Variants in CDKN2B-AS1 observed in about 807,000 individuals in gnomAD.
CDKN2B-AS1 encodes the protein CDKN2B antisense RNA 1 (non-protein coding).
intron 1 of CDKN2B-AS1, among the ~76,000 whole-genome samples, chr9:22,011,567 A>G (rs937979477): frequency 6.6e-6 from 1 of 152,178 alleles, no homozygotes; most frequent in African/African-American, 2.4e-5. Context: ...TTTATACTAC[A>G]TAGTGTTTTT....
chr9:22,108,474 C>G (rs1313617132), intron 4 of CDKN2B-AS1, among the ~76,000 whole-genome samples: 1 of 152,076 alleles, frequency 6.6e-6, no homozygotes, highest in Non-Finnish European at 1.5e-5. Flanking sequence ...TTCAGCTGTA[C>G]CAGTATTTAA....
At chr9:22,065,674 G>A (rs1040319890) in intron 4 of CDKN2B-AS1, 1 of 152,152 alleles carries the variant, frequency 6.6e-6, no homozygotes, top group Non-Finnish European at 1.5e-5. Context: ...CTGGGACATG[G>A]AGACTGCTTT....
At chr9:22,082,434 C>T (rs1249856727) in intron 4 of CDKN2B-AS1, among the ~76,000 whole-genome samples, 1 of 152,144 alleles carries the variant, frequency 6.6e-6, no homozygotes, top group Non-Finnish European at 1.5e-5. Flanking sequence ...GGCCCAGTGA[C>T]ATTAGGTAAC....
intron 4 of CDKN2B-AS1, among the ~76,000 whole-genome samples, chr9:22,073,835 C>G (rs1390360132): frequency 6.6e-6 from 1 of 151,552 alleles, no homozygotes; most frequent in Non-Finnish European, 1.5e-5. Context: ...ACAATGTAGT[C>G]TAGATCTAAA....
intron 1 of CDKN2B-AS1, among the ~76,000 whole-genome samples, chr9:22,041,136 GAT>G: frequency 6.6e-6 from 1 of 152,130 alleles, no homozygotes; most frequent in African/African-American, 2.4e-5. Context: ...TGGTGTAAGA[GAT>G]AAAACTGGGA....
rs567609105 is a variant in CDKN2B-AS1 at position 22,006,302 on chromosome 9, C to T, written n.29+11141C>T. ...AGGGTGGGGGCAGGTATGGGAGATGCCGGCCGGGGCAAGGCAGGTGGAGCC... is the reference window on the plus strand; with the variant it reads ...AGGGTGGGGGCAGGTATGGGAGATGTCGGCCGGGGCAAGGCAGGTGGAGCC... On this transcript the variant is annotated intron_variant and non_coding_transcript_variant, in intron 1 of 4. Coordinates refer to ENST00000650946, the Ensembl canonical transcript of CDKN2B-AS1. The surrounding 1 kb of genome is among the most constrained non-coding windows in gnomAD (Gnocchi z 6.4). The T allele has an allele frequency of 6.3e-7, 1 of 1,596,648 alleles. No individual in the cohort carries two copies. Among genetic ancestry groups the T allele is most frequent in the Non-Finnish European group, 8.5e-7 (1 of 1,178,564 alleles).
rs943534247 is a variant in CDKN2B-AS1 at position 21,996,995 on chromosome 9, T to C, written n.29+1834T>C. On this transcript the variant is annotated intron_variant and non_coding_transcript_variant, in intron 1 of 4. Coordinates refer to ENST00000650946, the Ensembl canonical transcript of CDKN2B-AS1. The surrounding 1 kb of genome is among the most constrained non-coding windows in gnomAD (Gnocchi z 5.4). ...CCCATTGTGTGTGTGTGCGTGCCAG[T>C]ACCACACATATGTATATGTATATAC... Among the ~76,000 whole-genome samples, 40 of 152,322 alleles carry C rather than the reference T, an allele frequency of 2.6e-4. No individual in the cohort carries two copies. The highest frequency in any genetic ancestry group is 5.8e-4 in the East Asian group (3 of 5,188).
intron 4 of CDKN2B-AS1, among the ~76,000 whole-genome samples, chr9:22,125,041 G>C (rs73443203): frequency 6.6e-6 from 1 of 152,176 alleles, no homozygotes; most frequent in Non-Finnish European, 1.5e-5. Context: ...TCACATGTAC[G>C]TGCATGCACG....
intron 4 of CDKN2B-AS1, among the ~76,000 whole-genome samples, chr9:22,101,696 ACACACATG>A (rs1043122076): frequency 1.4e-4 from 11 of 79,450 alleles, no homozygotes; most frequent in Non-Finnish European, 3.3e-4. Flanking sequence ...ACACACACAC[ACACACATG>A]GCTTCTAGAT....
At chr9:22,071,285 CT>C (rs71336509) in intron 4 of CDKN2B-AS1, among the ~76,000 whole-genome samples, 73 of 67,560 alleles carry the variant, frequency 1.1e-3, no homozygotes, top group East Asian at 9.6e-3. Flanking sequence ...AAATATCTAG[CT>C]TTTTTTTTTT....
chr9:22,109,885 A>C (rs537208036), intron 4 of CDKN2B-AS1, among the ~76,000 whole-genome samples: 2 of 152,054 alleles, frequency 1.3e-5, no homozygotes, highest in Admixed American at 6.6e-5. Context: ...TGCTCTCCCA[A>C]TGACCTCCCA....
intron 1 of CDKN2B-AS1, among the ~76,000 whole-genome samples, chr9:22,034,888 C>T (rs974174958): frequency 6.6e-6 from 1 of 152,082 alleles, no homozygotes; most frequent in Admixed American, 6.6e-5. Flanking sequence ...AATTTGCTAA[C>T]CTGTGGTATA....
chr9:22,000,881 A>G lies in CDKN2B-AS1; in HGVS notation n.29+5720A>G, dbSNP rs1002228891. ...CCTTACATATTTGGTTTGGGATTAC[A>G]TTGAGAGCTACCTAAATACCAGACA... On this transcript the variant is annotated intron_variant and non_coding_transcript_variant, in intron 1 of 4. Transcript: ENST00000650946. The surrounding 1 kb of genome is among the most constrained non-coding windows in gnomAD (Gnocchi z 4.1). Among the ~76,000 whole-genome samples the G allele has an allele frequency of 3.3e-5, 5 of 152,190 alleles. No homozygotes were observed. Among genetic ancestry groups the G allele is most frequent in the Non-Finnish European group, 7.4e-5 (5 of 68,008 alleles).
At chr9:22,101,671 C>T (rs1303420162) in intron 4 of CDKN2B-AS1, among the ~76,000 whole-genome samples, 1 of 113,924 alleles carries the variant, frequency 8.8e-6, no homozygotes, top group Non-Finnish European at 2.1e-5. Flanking sequence ...CTTCAACACA[C>T]ACACACACAC....
chr9:22,108,368 A>G (rs972946095), intron 4 of CDKN2B-AS1, among the ~76,000 whole-genome samples: 3 of 152,178 alleles, frequency 2.0e-5, no homozygotes, highest in African/African-American at 7.2e-5. Flanking sequence ...ACACTTGTCT[A>G]TGCACATTGC....
chr9:22,018,931 C>G (rs1250888804), intron 1 of CDKN2B-AS1, among the ~76,000 whole-genome samples: 2 of 152,094 alleles, frequency 1.3e-5, no homozygotes, highest in Non-Finnish European at 2.9e-5. Context: ...GAGAGCTGAT[C>G]TGGTCTGGTG....
intron 4 of CDKN2B-AS1, among the ~76,000 whole-genome samples, chr9:22,065,403 A>C (rs765620876): frequency 5.9e-5 from 9 of 152,198 alleles, no homozygotes; most frequent in Non-Finnish European, 8.8e-5. Flanking sequence ...CTAGACTTTG[A>C]GAATTGCAGT....
chr9:22,080,944 A>G (rs748060371), intron 4 of CDKN2B-AS1, among the ~76,000 whole-genome samples: 4 of 152,200 alleles, frequency 2.6e-5, no homozygotes, highest in Non-Finnish European at 5.9e-5. Flanking sequence ...GAATTAGCCT[A>G]TGCTTCTTAA....
At chr9:22,028,769 C>G (rs983403743) in intron 1 of CDKN2B-AS1, among the ~76,000 whole-genome samples, 1 of 152,088 alleles carries the variant, frequency 6.6e-6, no homozygotes, top group African/African-American at 2.4e-5. Flanking sequence ...GTTTGTGAAA[C>G]ATTTATGCAG....
Sources: gnomAD v4.1 joint callset for allele counts (sites outside exome capture counted in the v4.1 genomes callset) on GRCh38, gnomAD v4.1.1 for gene constraint, Gnocchi (gnomAD v3.1) non-coding constraint, MANE v1.5 for transcripts, NCBI Gene and HGNC (gene_info 2026-07-23, HGNC 2026-07-21) for gene names.